LHFPL3: variants seen among roughly 807,000 people sequenced by gnomAD.
The protein encoded by LHFPL3 is LHFPL tetraspan subfamily member 3 protein.
LHFPL3 carries 5 observed loss-of-function variants against 19.3 expected under a neutral mutation model. The ratio of observed to expected loss-of-function variants is 0.26; its 90% confidence interval spans 0.14 to 0.54. The LOEUF (loss-of-function observed/expected upper bound fraction) is 0.54, where lower values mean the gene tolerates loss of function less well. LHFPL3 is among the 20% of genes least tolerant of loss of function. LHFPL3 has a pLI of 0.94. For missense variants in LHFPL3, 249 were observed against 307.4 expected, an observed-to-expected ratio of 0.81 and a Z score of 1.42; for synonymous variants, 133 against 126.2, an observed-to-expected ratio of 1.05 and a Z score of -0.36.
At chr7:104,426,869 T>C (rs915558382) in intron 1 of LHFPL3, among the ~76,000 whole-genome samples, 1 of 152,234 alleles carries the variant, frequency 6.6e-6, no homozygotes, top group African/African-American at 2.4e-5. Context: ...CTTCTTCTTT[T>C]ACTAGATGGA....
At chr7:104,440,035 T>TGGGCGGG (rs139318074) in intron 1 of LHFPL3, among the ~76,000 whole-genome samples, 16 of 84,958 alleles carry the variant, frequency 1.9e-4, no homozygotes, top group Non-Finnish European at 3.5e-4. Flanking sequence ...ATACAAAGCC[T>TGGGCGGG]GGGGGGGGGG....
At chr7:104,869,973 C>G (rs1483944604) in intron 2 of LHFPL3, among the ~76,000 whole-genome samples, 4 of 151,942 alleles carry the variant, frequency 2.6e-5, no homozygotes, top group African/African-American at 9.7e-5. Flanking sequence ...CCATCATTCT[C>G]AGCAAACTAT....
intron 2 of LHFPL3, among the ~76,000 whole-genome samples, chr7:104,793,243 T>C (rs187956575): frequency 8.5e-5 from 13 of 152,108 alleles, no homozygotes; most frequent in Admixed American, 7.9e-4. Flanking sequence ...CGCAACTGGG[T>C]GGTTAATAAA....
At chr7:104,384,143 A>G (rs1165738601) in intron 1 of LHFPL3, among the ~76,000 whole-genome samples, 3 of 152,184 alleles carry the variant, frequency 2.0e-5, no homozygotes, top group African/African-American at 7.2e-5. Context: ...AAATAACACC[A>G]ACTACTGGGG....
intron 1 of LHFPL3, among the ~76,000 whole-genome samples, chr7:104,462,147 G>T (rs116057969): frequency 0.016 from 2,436 of 152,262 alleles, 74 homozygotes; most frequent in African/African-American, 0.055. Context: ...TTTAAGCCAA[G>T]ACTATGGGGT....
rs535742207 is a variant in LHFPL3, at chr7:104,443,532, C to G, written c.445+114308C>G. 4.6e-5 allele frequency among the ~76,000 whole-genome samples: 7 copies of G among 152,268 alleles called. No homozygotes were observed. In the East Asian group the frequency reaches 1.4e-3, roughly 29 times the overall value. On this transcript the variant is annotated intron_variant, in intron 1 of 2. Transcript: ENST00000424859. Reference sequence around the variant, plus strand: ...GTCTAGAATTAAAAAGATCTCCATGCCAACCAGGAGAATAGTCAGAAGCAT... The same window carrying G: ...GTCTAGAATTAAAAAGATCTCCATGGCAACCAGGAGAATAGTCAGAAGCAT...
chr7:104,667,880 G>A (rs1267700569), intron 1 of LHFPL3: 4 of 1,612,292 alleles, frequency 2.5e-6, no homozygotes, highest in Non-Finnish European at 3.4e-6. Context: ...CTGATGAAAC[G>A]GATGACCTGG....
intron 2 of LHFPL3, among the ~76,000 whole-genome samples, chr7:104,892,708 C>CAAAAAAAAAAAAAAA: frequency 1.5e-5 from 1 of 68,476 alleles, no homozygotes; most frequent in Non-Finnish European, 2.8e-5. Flanking sequence ...GAGACTGTCT[C>CAAAAAAAAAAAAAAA]AAAAAAAAAA....
intron 1 of LHFPL3, among the ~76,000 whole-genome samples, chr7:104,694,271 T>C (rs1309881487): frequency 6.6e-6 from 1 of 152,170 alleles, no homozygotes; most frequent in Non-Finnish European, 1.5e-5. Context: ...AGATACACAG[T>C]ATGTTACAGT....
intron 1 of LHFPL3, among the ~76,000 whole-genome samples, chr7:104,576,206 C>G (rs140152536): frequency 4.1e-4 from 63 of 152,228 alleles, no homozygotes; most frequent in Middle Eastern, 3.4e-3. Flanking sequence ...TCTATGGACT[C>G]AGGAAAACCA....
intron 1 of LHFPL3, among the ~76,000 whole-genome samples, chr7:104,712,963 G>A (rs1000545128): frequency 6.6e-6 from 1 of 152,116 alleles, no homozygotes; most frequent in Non-Finnish European, 1.5e-5. Flanking sequence ...ACAAACCATA[G>A]CTTGAAGAGG....
At chr7:104,400,823 G>T (rs552618035) in intron 1 of LHFPL3, among the ~76,000 whole-genome samples, 32 of 152,048 alleles carry the variant, frequency 2.1e-4, no homozygotes, top group African/African-American at 7.7e-4. Flanking sequence ...CATAAGAACT[G>T]TTTATTATTT....
At chr7:104,350,106 T>C (rs1050861813) in intron 1 of LHFPL3, among the ~76,000 whole-genome samples, 4 of 152,190 alleles carry the variant, frequency 2.6e-5, no homozygotes, top group African/African-American at 9.7e-5. Flanking sequence ...TTAGGAAATA[T>C]TGCCCAGGAT....
intron 2 of LHFPL3, chr7:104,785,138 T>G (rs1789887705): frequency 6.6e-6 from 1 of 152,148 alleles, no homozygotes; most frequent in African/African-American, 2.4e-5. Flanking sequence ...CTCCCTTTCT[T>G]TCTTCTAATA....
chr7:104,853,917 ATC>A (rs1000376544), intron 2 of LHFPL3, among the ~76,000 whole-genome samples: 71 of 152,340 alleles, frequency 4.7e-4, no homozygotes, highest in Middle Eastern at 6.8e-3. Flanking sequence ...CAATCTGATT[ATC>A]TGTTTACCCA....
At chr7:104,623,815 G>A (rs1250404796) in intron 1 of LHFPL3, among the ~76,000 whole-genome samples, 3 of 152,198 alleles carry the variant, frequency 2.0e-5, no homozygotes, top group African/African-American at 7.2e-5. Flanking sequence ...AGCCATAGGA[G>A]TGAGGCCATT....
intron 1 of LHFPL3, among the ~76,000 whole-genome samples, chr7:104,719,331 A>T (rs994585389): frequency 1.3e-5 from 2 of 152,200 alleles, no homozygotes; most frequent in Non-Finnish European, 2.9e-5. Context: ...AGAACATATA[A>T]AAATGTTTAG....
intron 1 of LHFPL3, among the ~76,000 whole-genome samples, chr7:104,576,701 G>GACCC (rs1302706625): frequency 2.6e-5 from 4 of 152,124 alleles, no homozygotes; most frequent in Non-Finnish European, 5.9e-5. Flanking sequence ...CTGTTTCATG[G>GACCC]ACCCTGTAGC....
chr7:104,598,872 G>A (rs1185769994), intron 1 of LHFPL3, among the ~76,000 whole-genome samples: 1 of 152,192 alleles, frequency 6.6e-6, no homozygotes, highest in African/African-American at 2.4e-5. Flanking sequence ...TGTATTGACA[G>A]GGTTAAATTC....
Sources: allele counts gnomAD v4.1 joint callset (sites outside exome capture counted in the v4.1 genomes callset), GRCh38; gene constraint gnomAD v4.1.1; transcripts MANE v1.5; gene names NCBI Gene and HGNC (gene_info 2026-07-23, HGNC 2026-07-21).